The following AKR1D1 variants were observed in gnomAD, a reference collection of about 807,000 sequenced individuals.
AKR1D1 encodes the protein aldo-keto reductase family 1 member D1, also known as delta(4)-3-ketosteroid 5-beta-reductase.
In AKR1D1, 32 loss-of-function variants were observed where a neutral mutation model predicts 42.6. That is an observed-to-expected ratio of 0.75 (90% CI 0.57 to 1.01). The LOEUF is 1.01. Among genes scored for constraint, AKR1D1 ranks in the 50% least tolerant of loss-of-function variants. AKR1D1 has a pLI of 0.00. For missense variants in AKR1D1, 364 were observed against 402.2 expected, an observed-to-expected ratio of 0.91 and a Z score of 0.81; for synonymous variants, 123 against 135.5, an observed-to-expected ratio of 0.91 and a Z score of 0.64.
intron 1 of AKR1D1, among the ~76,000 whole-genome samples, chr7:138,085,054 CAAAA>C (rs58253168): frequency 2.3e-4 from 16 of 70,836 alleles, no homozygotes; most frequent in South Asian, 7.7e-4. Flanking sequence ...GACTCCGTCT[CAAAA>C]AAAAAAAAAA....
intron 1 of AKR1D1, among the ~76,000 whole-genome samples, chr7:138,086,484 T>C (rs1803182131): frequency 6.6e-6 from 1 of 152,238 alleles, no homozygotes; most frequent in African/African-American, 2.4e-5. Flanking sequence ...TTTGTGACTA[T>C]GAATCTTATA....
At chr7:138,116,568 AGCTGT>A in intron 8 of AKR1D1, 47 bp from the exon 9 acceptor site, 1 of 1,604,590 alleles carries the variant, frequency 6.2e-7, no homozygotes, top group Non-Finnish European at 8.5e-7. Context: ...TGAAACATAC[AGCTGT>A]GCAATTTTTG....
intron 4 of AKR1D1, among the ~76,000 whole-genome samples, chr7:138,101,463 G>T (rs1474774542): frequency 6.6e-6 from 1 of 152,030 alleles, no homozygotes; most frequent in Non-Finnish European, 1.5e-5. Flanking sequence ...CTTTCAAAGT[G>T]CTGGGATTAC....
At chr7:138,105,489 A>G (rs1218240755) in intron 5 of AKR1D1, 60 bp downstream of exon 5, 2 of 1,608,512 alleles carry the variant, frequency 1.2e-6, no homozygotes, top group African/African-American at 2.7e-5. Flanking sequence ...ACATGACACA[A>G]AGAAGCCTCA....
intron 7 of AKR1D1, among the ~76,000 whole-genome samples, chr7:138,113,470 G>A (rs1384067712): frequency 6.6e-6 from 1 of 152,128 alleles, no homozygotes; most frequent in Non-Finnish European, 1.5e-5. Flanking sequence ...CAGAGCATTT[G>A]GAATTTCTTG....
intron 4 of AKR1D1, among the ~76,000 whole-genome samples, chr7:138,104,591 G>A (rs1365171758): frequency 2.0e-5 from 3 of 151,300 alleles, no homozygotes. Context: ...CAGCTACTTG[G>A]GAGGCTTGAA....
chr7:138,086,951 C>A (rs1803194528), intron 1 of AKR1D1, among the ~76,000 whole-genome samples: 1 of 152,142 alleles, frequency 6.6e-6, no homozygotes, highest in Admixed American at 6.5e-5. Context: ...AAAAATGTAA[C>A]TAAAAGAAAC....
intron 4 of AKR1D1, among the ~76,000 whole-genome samples, chr7:138,100,641 C>T (rs1037651295): frequency 2.0e-5 from 3 of 149,258 alleles, no homozygotes; most frequent in Non-Finnish European, 4.4e-5. Flanking sequence ...ATACATGAAG[C>T]ATCATCTAAG....
intron 1 of AKR1D1, among the ~76,000 whole-genome samples, chr7:138,085,054 C>CAAG (rs1803142551): frequency 1.4e-5 from 1 of 70,824 alleles, no homozygotes; most frequent in African/African-American, 6.1e-5. Flanking sequence ...GACTCCGTCT[C>CAAG]AAAAAAAAAA....
In AKR1D1 at chr7:138,088,521, A is replaced by G. The variant is rs977792762; in HGVS notation, c.94-80A>G. On this transcript the variant is annotated intron_variant, in intron 1 of 8. Transcript: ENST00000242375. Reference sequence around the variant, plus strand: ...TCATTTTAGCTGTAAAGGAATGTACATGCAAAATGTCCTGATTAATGATTA... The same window carrying G: ...TCATTTTAGCTGTAAAGGAATGTACGTGCAAAATGTCCTGATTAATGATTA... 6.8e-6 allele frequency: 10 copies of G among 1,480,680 alleles called. No homozygotes were observed. The African/African-American group carries it at 1.1e-4, about 16-fold the overall frequency. The allele number at this position is 1,480,680 out of a possible 1,614,324, so 91.7% of individuals were successfully genotyped here. A position where few individuals can be genotyped will look rare whatever the true frequency, so the allele number is the denominator to read the frequency against.
At chr7:138,085,546 G>C (rs759095013) in intron 1 of AKR1D1, among the ~76,000 whole-genome samples, 3 of 149,082 alleles carry the variant, frequency 2.0e-5, no homozygotes, top group Non-Finnish European at 4.4e-5. Context: ...CCAGGTTCAA[G>C]AGATTCCCCT....
At chr7:138,098,910 C>T (rs2117446977) in intron 4 of AKR1D1, among the ~76,000 whole-genome samples, 1 of 152,196 alleles carries the variant, frequency 6.6e-6, no homozygotes, top group Admixed American at 6.5e-5. Flanking sequence ...TGTTGCCGCA[C>T]AGGTGGAAAC....
intron 7 of AKR1D1, among the ~76,000 whole-genome samples, chr7:138,110,459 A>C (rs2117469748): frequency 6.6e-6 from 1 of 151,960 alleles, no homozygotes; most frequent in East Asian, 1.9e-4. Flanking sequence ...GTTAAGTTAA[A>C]TCATCAGTTT....
intron 3 of AKR1D1, among the ~76,000 whole-genome samples, chr7:138,094,378 G>A (rs1794143626): frequency 6.6e-6 from 1 of 152,158 alleles, no homozygotes; most frequent in African/African-American, 2.4e-5. Context: ...AGCCAGGCTT[G>A]GTGGCATGTG....
intron 2 of AKR1D1, among the ~76,000 whole-genome samples, chr7:138,089,077 C>T (rs894960494): frequency 1.3e-5 from 2 of 151,908 alleles, no homozygotes; most frequent in African/African-American, 4.8e-5. Context: ...TGGCTGGGTG[C>T]GGTGTCTCAC....
At position 138,117,329 on chromosome 7, in the gene AKR1D1, C is replaced by T. The variant is rs911290733; in HGVS notation, c.*667C>T. ...GATCTCTCTTGCATCCTTAAAGGGCCTGAGTCTCAACATGGCTGCTGATCC... is the reference window on the plus strand; with the variant it reads ...GATCTCTCTTGCATCCTTAAAGGGCTTGAGTCTCAACATGGCTGCTGATCC... On this transcript the variant is annotated 3_prime_UTR_variant, in exon 9 of 9. Coordinates refer to ENST00000242375, the MANE Select transcript of AKR1D1 (RefSeq NM_005989.4). 4.6e-5 allele frequency: 7 copies of T among 152,808 alleles called. No individual in the cohort carries two copies. The East Asian group carries it at 1.3e-3, about 29-fold the overall frequency. The allele number at this position is 152,808 out of a possible 1,614,324, so 9.5% of individuals were successfully genotyped here. A position where few individuals can be genotyped will look rare whatever the true frequency, so the allele number is the denominator to read the frequency against.
At chr7:138,087,269 G>A (rs1793948844) in intron 1 of AKR1D1, among the ~76,000 whole-genome samples, 1 of 151,826 alleles carries the variant, frequency 6.6e-6, no homozygotes, top group Non-Finnish European at 1.5e-5. Flanking sequence ...CCTTTTTATG[G>A]TGACATTAAT....
rs1167849497 is a variant in AKR1D1 at position 138,117,673 on chromosome 7, G to A, written c.*1011G>A. The A allele has an allele frequency of 2.6e-5, 4 of 152,168 alleles. No individual in the cohort carries two copies. Among genetic ancestry groups the A allele is most frequent in the African/African-American group, 4.8e-5 (2 of 41,434 alleles). 9.4% of individuals were successfully genotyped at this position (152,168 alleles called of 1,614,324 possible). A position where few individuals can be genotyped will look rare whatever the true frequency, so the allele number is the denominator to read the frequency against. ...TATGTACAATTTAAAGAGTGAATAA[G>A]ATTATTAGAATTCAGCAATAGAGAT... On this transcript the variant is annotated 3_prime_UTR_variant, in exon 9 of 9. Coordinates refer to ENST00000242375, the MANE Select transcript of AKR1D1 (RefSeq NM_005989.4).
At position 138,113,731 on chromosome 7, in the gene AKR1D1, T is replaced by C. The variant is rs1001190278; in HGVS notation, c.897T>C (p.Ile299=). 1.2e-6 allele frequency: 2 copies of C among 1,614,168 alleles called. No homozygotes were observed. The highest frequency in any genetic ancestry group is 2.2e-5 in the South Asian group (2 of 91,080). Residue 299 remains isoleucine, a synonymous_variant, in exon 8 of 9, where the codon ATT becomes ATC. Transcript: ENST00000242375. ...TCACTGAAGAAGAAATGAAGGACATTGAAGCCTTGAATAAAAATGTCCGCT... is the reference window on the plus strand; with the variant it reads ...TCACTGAAGAAGAAATGAAGGACATCGAAGCCTTGAATAAAAATGTCCGCT... ...FSLTEEEMKD[I]EALNKNVRFV...
Sources: allele counts gnomAD v4.1 joint callset (sites outside exome capture counted in the v4.1 genomes callset), GRCh38; gene constraint gnomAD v4.1.1; transcripts MANE v1.5; gene names NCBI Gene and HGNC (gene_info 2026-07-23, HGNC 2026-07-21).